The following SCHIP1 variants were observed in gnomAD, a reference collection of about 807,000 sequenced individuals.
SCHIP1 encodes the protein schwannomin-interacting protein 1.
Under a neutral mutation model 29.7 loss-of-function variants are expected in SCHIP1, and 8 were observed. That is an observed-to-expected ratio of 0.27 (90% CI 0.16 to 0.49). The LOEUF is 0.49. Among genes scored for constraint, SCHIP1 ranks in the 20% least tolerant of loss-of-function variants. SCHIP1 has a pLI of 0.99. For synonymous variants in SCHIP1, 76 were observed against 94.9 expected (o/e 0.80, Z 1.16); for missense variants, 193 against 294.6 (o/e 0.66, Z 2.52).
At chr3:159,594,674 A>G in the SCHIP1 span, among the ~76,000 whole-genome samples, 2 of 152,344 alleles carry the variant, frequency 1.3e-5, no homozygotes, top group African/African-American at 4.8e-5. Context: ...TAACATCTTC[A>G]GCATAGAGAC....
the SCHIP1 span, among the ~76,000 whole-genome samples, chr3:159,285,517 T>C: frequency 5.3e-5 from 8 of 152,126 alleles, no homozygotes; most frequent in East Asian, 1.2e-3. Context: ...TTTAATAACA[T>C]AAGAACAAGC....
the SCHIP1 span, among the ~76,000 whole-genome samples, chr3:159,453,004 A>T: frequency 2.6e-5 from 4 of 152,234 alleles, no homozygotes; most frequent in Admixed American, 2.6e-4. Context: ...TGGCTTCTGA[A>T]TAAAATTGGG....
At chr3:159,434,448 T>C in the SCHIP1 span, among the ~76,000 whole-genome samples, 1 of 152,128 alleles carries the variant, frequency 6.6e-6, no homozygotes, top group African/African-American at 2.4e-5. Context: ...AGTCTGGTGT[T>C]AGATGGTTCT....
the SCHIP1 span, among the ~76,000 whole-genome samples, chr3:159,671,925 C>T: frequency 6.6e-6 from 1 of 152,076 alleles, no homozygotes; most frequent in Non-Finnish European, 1.5e-5. Flanking sequence ...CAGGGAGTGA[C>T]CTGCAATTCC....
the SCHIP1 span, among the ~76,000 whole-genome samples, chr3:159,834,389 G>A: frequency 6.6e-6 from 1 of 152,274 alleles, no homozygotes; most frequent in East Asian, 1.9e-4. Context: ...ATATTCGGAG[G>A]CATTTAACTC....
chr3:159,828,413 A>ATC, the SCHIP1 span, among the ~76,000 whole-genome samples: 1 of 93,192 alleles, frequency 1.1e-5, no homozygotes, highest in Non-Finnish European at 2.6e-5. Flanking sequence ...ATATACGTAT[A>ATC]TATACGTATA....
chr3:159,308,550 A>G, the SCHIP1 span, among the ~76,000 whole-genome samples: 1 of 152,198 alleles, frequency 6.6e-6, no homozygotes, highest in Admixed American at 6.6e-5. Flanking sequence ...GGGAGTGCTT[A>G]TACCCTGTTC....
At chr3:159,506,409 T>A in the SCHIP1 span, among the ~76,000 whole-genome samples, 1 of 152,230 alleles carries the variant, frequency 6.6e-6, no homozygotes, top group Non-Finnish European at 1.5e-5. Flanking sequence ...TCTCCCATTC[T>A]GTAGGTTGCC....
chr3:159,648,327 G>A, the SCHIP1 span, among the ~76,000 whole-genome samples: 1 of 152,088 alleles, frequency 6.6e-6, no homozygotes, highest in South Asian at 2.1e-4. Flanking sequence ...TGACCCTGGG[G>A]TCAGGCTGAC....
the SCHIP1 span, among the ~76,000 whole-genome samples, chr3:159,283,333 A>T: frequency 1.3e-5 from 2 of 151,942 alleles, no homozygotes; most frequent in Admixed American, 6.5e-5. Flanking sequence ...TTGTATTCTC[A>T]GTAGAGACGA....
the SCHIP1 span, chr3:159,273,716 C>A: frequency 2.0e-6 from 3 of 1,516,758 alleles, no homozygotes; most frequent in African/African-American, 2.8e-5. Context: ...ATTTTTTAGA[C>A]AACCTTACTA....
the SCHIP1 span, among the ~76,000 whole-genome samples, chr3:159,539,987 T>C: frequency 6.6e-6 from 1 of 152,032 alleles, no homozygotes; most frequent in South Asian, 2.1e-4. Context: ...CTGCTCTCCC[T>C]CCCTGAAGTT....
chr3:159,345,891 G>T, the SCHIP1 span, among the ~76,000 whole-genome samples: 1 of 152,054 alleles, frequency 6.6e-6, no homozygotes, highest in Non-Finnish European at 1.5e-5. Context: ...AGTATGGAAT[G>T]AATGAAAAAC....
At chr3:159,688,815 T>C in the SCHIP1 span, among the ~76,000 whole-genome samples, 1 of 152,228 alleles carries the variant, frequency 6.6e-6, no homozygotes, top group Non-Finnish European at 1.5e-5. Context: ...TTTCTGCATA[T>C]GGCTAGCCAG....
the SCHIP1 span, among the ~76,000 whole-genome samples, chr3:159,548,141 T>C: frequency 6.6e-6 from 1 of 152,106 alleles, no homozygotes; most frequent in Admixed American, 6.6e-5. Flanking sequence ...ATTACATTTT[T>C]TTGTTGTAAT....
chr3:159,613,154 A>C, the SCHIP1 span, among the ~76,000 whole-genome samples: 2 of 152,326 alleles, frequency 1.3e-5, no homozygotes, highest in East Asian at 3.9e-4. Flanking sequence ...AAAAAAATTG[A>C]TTTACTGTAT....
At chr3:159,693,872 A>G in the SCHIP1 span, among the ~76,000 whole-genome samples, 2 of 152,242 alleles carry the variant, frequency 1.3e-5, no homozygotes, top group Non-Finnish European at 2.9e-5. Context: ...ATATCCATTA[A>G]GTCATTTATA....
At chr3:159,434,905 T>C in the SCHIP1 span, among the ~76,000 whole-genome samples, 1 of 152,170 alleles carries the variant, frequency 6.6e-6, no homozygotes, top group African/African-American at 2.4e-5. Flanking sequence ...AACCTCACCC[T>C]GTCCTCCACC....
intron 1 of SCHIP1, among the ~76,000 whole-genome samples, chr3:159,862,452 C>T (rs1371183275): frequency 6.6e-6 from 1 of 152,324 alleles, no homozygotes; most frequent in East Asian, 1.9e-4. Flanking sequence ...TACATTACCA[C>T]AGGTCAGGTA....
Sources: gnomAD v4.1 joint callset for allele counts (sites outside exome capture counted in the v4.1 genomes callset) on GRCh38, gnomAD v4.1.1 for gene constraint, MANE v1.5 for transcripts, NCBI Gene and HGNC (gene_info 2026-07-23, HGNC 2026-07-21) for gene names.